The following SLAMF6 variants were observed in gnomAD, a reference collection of about 807,000 sequenced individuals.
SLAMF6 encodes the protein NK-T-B-antigen.
In SLAMF6, 21 loss-of-function variants were observed where a neutral mutation model predicts 38.3. The ratio of observed to expected loss-of-function variants is 0.55; its 90% CI spans 0.39 to 0.79. The LOEUF is 0.79. SLAMF6 is among the 30% of genes least tolerant of loss of function. The probability of loss-of-function intolerance (pLI) is 0.00; values close to 1 mark genes in which losing one functional copy is unlikely to be tolerated. For synonymous variants in SLAMF6, 152 were observed against 146.3 expected (o/e 1.04, Z -0.28); for missense variants, 341 against 385.3 (o/e 0.89, Z 0.96).
intron 1 of SLAMF6, among the ~76,000 whole-genome samples, chr1:160,504,041 G>A (rs201602360): frequency 5.8e-5 from 8 of 137,602 alleles, no homozygotes; most frequent in South Asian, 2.2e-4. Context: ...AAAAGCAAAA[G>A]AAAAAAAGGA....
chr1:160,489,178 C>A lies in SLAMF6; in HGVS notation c.797-8G>T. On this transcript the variant is annotated splice_region_variant and splice_polypyrimidine_tract_variant and intron_variant, in intron 5 of 7. Coordinates refer to ENST00000368057, the MANE Select transcript of SLAMF6 (RefSeq NM_001184714.2). ...GGTTCCTTGCGGACTCTGCTGTTAA[C>A]ATAGGAAGGCACAGTCAATGGCACA... The A allele has an allele frequency of 6.2e-7, 1 of 1,613,790 alleles. No individual in the cohort carries two copies. The highest frequency in any genetic ancestry group is 1.3e-5 in the African/African-American group (1 of 75,034).
chr1:160,522,516 G>T, intron 1 of SLAMF6, among the ~76,000 whole-genome samples: 1 of 152,164 alleles, frequency 6.6e-6, no homozygotes, highest in Non-Finnish European at 1.5e-5. Context: ...ATAATGGACA[G>T]CAGGAAACAA....
chr1:160,518,500 A>C (rs1395614701), intron 1 of SLAMF6, among the ~76,000 whole-genome samples: 1 of 152,198 alleles, frequency 6.6e-6, no homozygotes, highest in Non-Finnish European at 1.5e-5. Flanking sequence ...TATTCATAAT[A>C]GCAAAGACAT....
At chr1:160,508,265 A>G (rs1347337344) in intron 1 of SLAMF6, among the ~76,000 whole-genome samples, 1 of 152,204 alleles carries the variant, frequency 6.6e-6, no homozygotes, top group Non-Finnish European at 1.5e-5. Context: ...AATATACTAC[A>G]AGGCTACAGT....
intron 1 of SLAMF6, among the ~76,000 whole-genome samples, chr1:160,515,063 C>T (rs1654671051): frequency 6.6e-6 from 1 of 151,958 alleles, no homozygotes; most frequent in African/African-American, 2.4e-5. Context: ...TCAAGGAGTC[C>T]AGAATCTGGT....
At chr1:160,518,470 G>A (rs12030424) in intron 1 of SLAMF6, among the ~76,000 whole-genome samples, 7,110 of 152,000 alleles carry the variant, frequency 0.047, 352 homozygotes, top group African/African-American at 0.12. Flanking sequence ...TTCATTGCAC[G>A]TGTATCTTCA....
chr1:160,494,880 C>T (rs1012690371), intron 2 of SLAMF6, among the ~76,000 whole-genome samples: 7 of 152,084 alleles, frequency 4.6e-5, no homozygotes, highest in African/African-American at 1.7e-4. Flanking sequence ...TGTTACGCCA[C>T]CTACTTTATG....
intron 5 of SLAMF6, among the ~76,000 whole-genome samples, chr1:160,489,373 C>T (rs1653148769): frequency 6.6e-6 from 1 of 152,140 alleles, no homozygotes; most frequent in Non-Finnish European, 1.5e-5. Context: ...GACCACATCT[C>T]TTGGGGTAGA....
At chr1:160,495,866 G>A (rs943990502) in intron 2 of SLAMF6, among the ~76,000 whole-genome samples, 195 bp downstream of exon 2, 1 of 152,182 alleles carries the variant, frequency 6.6e-6, no homozygotes, top group Admixed American at 6.5e-5. Context: ...TCTGGGCTGG[G>A]ACACAAGACT....
intron 1 of SLAMF6, among the ~76,000 whole-genome samples, chr1:160,519,692 C>T (rs1654898881): frequency 6.7e-6 from 1 of 148,444 alleles, no homozygotes; most frequent in South Asian, 2.1e-4. Flanking sequence ...AAGTCAGACA[C>T]GAAAGGTCAT....
intron 1 of SLAMF6, among the ~76,000 whole-genome samples, chr1:160,513,538 T>C (rs988975393): frequency 6.6e-6 from 1 of 151,926 alleles, no homozygotes; most frequent in Non-Finnish European, 1.5e-5. Flanking sequence ...CATGAGAGGA[T>C]CAACCACAAG....
chr1:160,516,664 A>G (rs1188147657), intron 1 of SLAMF6, among the ~76,000 whole-genome samples: 3 of 152,176 alleles, frequency 2.0e-5, no homozygotes, highest in Non-Finnish European at 4.4e-5. Flanking sequence ...AAACAGACAC[A>G]TAGACCAATG....
Position 160,491,183 on chromosome 1 carries a change from T to C in SLAMF6, c.588A>G (p.Ile196Met). 1 of 1,614,126 alleles carries C rather than the reference T, an allele frequency of 6.2e-7. No homozygotes were observed. The highest frequency in any genetic ancestry group is 8.5e-7 in the Non-Finnish European group (1 of 1,179,996). ...RISSEQDYTCIAENAVSNLSF... is the reference protein window; with the variant it reads ...RISSEQDYTCMAENAVSNLSF... ...ATAAATTACTGACAGCATTCTCTGC[T>C]ATGCAGGTGTAGTCCTGTTCACTGG... Residue 196 changes from isoleucine (I) to methionine (M), a missense_variant, in exon 3 of 8, where the codon ATA becomes ATG. Coordinates refer to ENST00000368057, the MANE Select transcript of SLAMF6 (RefSeq NM_001184714.2).
chr1:160,520,576 A>C (rs1654941540), intron 1 of SLAMF6, among the ~76,000 whole-genome samples: 1 of 152,194 alleles, frequency 6.6e-6, no homozygotes, highest in South Asian at 2.1e-4. Flanking sequence ...CAAAATGAAG[A>C]AACAAACGAG....
chr1:160,489,148 C>A lies in SLAMF6; in HGVS notation c.819G>T (p.Glu273Asp). 1.2e-6 allele frequency: 2 copies of A among 1,613,888 alleles called. No individual in the cohort carries two copies. The highest frequency in any genetic ancestry group is 1.7e-4 in the Middle Eastern group (1 of 6,058). ...TGTTCGTTGGAGACACTGAAACATACTCTAGGTTCCTTGCGGACTCTGCTG... is the reference window on the plus strand; with the variant it reads ...TGTTCGTTGGAGACACTGAAACATAATCTAGGTTCCTTGCGGACTCTGCTG... ...QGPAESARNL[E>D]YVSVSPTNNT... The change falls in exon 6 of 8, where the codon GAG (glutamate) becomes GAT (aspartate). Residue 273 changes from glutamate to aspartate, a missense_variant. Glu to Asp is a conservative substitution (Grantham distance 45, BLOSUM62 2). Transcript: ENST00000368057.
At chr1:160,498,436 G>A (rs1046653781) in intron 1 of SLAMF6, among the ~76,000 whole-genome samples, 5 of 152,158 alleles carry the variant, frequency 3.3e-5, no homozygotes, top group African/African-American at 1.2e-4. Context: ...GGGAGGCCAT[G>A]GCACTCACAA....
At chr1:160,506,650 T>C (rs181738550) in intron 1 of SLAMF6, among the ~76,000 whole-genome samples, 1 of 152,324 alleles carries the variant, frequency 6.6e-6, no homozygotes, top group Admixed American at 6.5e-5. Context: ...ATTTTTGCTT[T>C]GCAACTTCTC....
intron 1 of SLAMF6, among the ~76,000 whole-genome samples, chr1:160,501,942 C>T (rs1288620600): frequency 6.6e-6 from 1 of 151,790 alleles, no homozygotes; most frequent in African/African-American, 2.4e-5. Context: ...CAAAACCAAA[C>T]CAAAGCAAAA....
rs764460773 is a variant in SLAMF6, at chr1:160,496,277, G to T, written c.166C>A (p.Leu56Ile). Reference sequence around the variant, plus strand: ...AAGGCAAGAGATGTTTCATTGAAAAGCCAAGTGATGAAGTTGACCTTCTCT... The same window carrying T: ...AAGGCAAGAGATGTTTCATTGAAAATCCAAGTGATGAAGTTGACCTTCTCT... ...AGEKVNFITW[L>I]FNETSLAFIV... Residue 56 changes from leucine to isoleucine, a missense_variant, in exon 2 of 8, where the codon CTT becomes ATT. Physicochemically the swap from Leu to Ile is conservative, Grantham distance 5 (BLOSUM62 2). Coordinates refer to ENST00000368057, the MANE Select transcript of SLAMF6 (RefSeq NM_001184714.2). 4 of 1,613,878 alleles carry T rather than the reference G, an allele frequency of 2.5e-6. No individual in the cohort carries two copies. Among genetic ancestry groups the T allele is most frequent in the Non-Finnish European group, 3.4e-6 (4 of 1,179,930 alleles).
Sources: allele counts gnomAD v4.1 joint callset (sites outside exome capture counted in the v4.1 genomes callset), GRCh38; gene constraint gnomAD v4.1.1; transcripts MANE v1.5; gene names NCBI Gene and HGNC (gene_info 2026-07-23, HGNC 2026-07-21).